TNFRSF8: variants seen among roughly 807,000 people sequenced by gnomAD.
The protein encoded by TNFRSF8 is tumor necrosis factor receptor superfamily member 8.
Under a neutral mutation model 70.8 loss-of-function variants are expected in TNFRSF8, and 26 were observed. That is an observed-to-expected ratio of 0.37 (90% CI 0.27 to 0.51). The LOEUF is 0.51. Ranked by LOEUF, TNFRSF8 falls within the 20% of genes least tolerant of loss-of-function variation. The probability of loss-of-function intolerance (pLI) is 0.94; values close to 1 mark genes in which losing one functional copy is unlikely to be tolerated. For synonymous variants in TNFRSF8, 356 were observed against 339.2 expected, an observed-to-expected ratio of 1.05 and a Z score of -0.54; for missense variants, 720 against 807.9, an observed-to-expected ratio of 0.89 and a Z score of 1.32.
At chr1:12,120,820 T>C (rs1019258636) in intron 8 of TNFRSF8, among the ~76,000 whole-genome samples, 1 of 152,110 alleles carries the variant, frequency 6.6e-6, no homozygotes, top group Non-Finnish European at 1.5e-5. Flanking sequence ...GATCACTGAC[T>C]CAGGGAGGAA....
At chr1:12,098,250 T>C (rs4845893) in intron 3 of TNFRSF8, among the ~76,000 whole-genome samples, 19,677 of 152,298 alleles carry the variant, frequency 0.13, 1,559 homozygotes, top group Admixed American at 0.23. Context: ...AATAATAATA[T>C]TGCCATTTCT....
At chr1:12,100,248 C>T (rs1641398328) in intron 3 of TNFRSF8, among the ~76,000 whole-genome samples, 1 of 152,042 alleles carries the variant, frequency 6.6e-6, no homozygotes, top group Non-Finnish European at 1.5e-5. Flanking sequence ...TTGCAGGACA[C>T]GAAGTTGTTC....
At chr1:12,118,135 A>G (rs1641766866) in intron 8 of TNFRSF8, among the ~76,000 whole-genome samples, 1 of 151,354 alleles carries the variant, frequency 6.6e-6, no homozygotes, top group African/African-American at 2.4e-5. Context: ...TTTTGAGACA[A>G]AGTCTCGCTC....
intron 1 of TNFRSF8, among the ~76,000 whole-genome samples, chr1:12,068,558 A>G (rs758133680): frequency 6.6e-6 from 1 of 152,136 alleles, no homozygotes; most frequent in Non-Finnish European, 1.5e-5. Context: ...TCCGGTATCT[A>G]TGGTTGAAAA....
intron 1 of TNFRSF8, among the ~76,000 whole-genome samples, chr1:12,084,218 C>T (rs1465372105): frequency 6.6e-6 from 1 of 152,036 alleles, no homozygotes; most frequent in Non-Finnish European, 1.5e-5. Flanking sequence ...ATGAAAAGGG[C>T]CAGGAGAATT....
chr1:12,130,074 T>C (rs1027414936), intron 12 of TNFRSF8, among the ~76,000 whole-genome samples: 8 of 152,054 alleles, frequency 5.3e-5, no homozygotes, highest in Non-Finnish European at 1.0e-4. Flanking sequence ...GCCTGGCTCA[T>C]TTTTTGTATT....
chr1:12,093,197 C>A (rs180942667), intron 2 of TNFRSF8, among the ~76,000 whole-genome samples: 1 of 152,300 alleles, frequency 6.6e-6, no homozygotes, highest in East Asian at 1.9e-4. Context: ...AGAGCCCCTA[C>A]CTCCAAATAA....
chr1:12,071,438 C>CA (rs1384925601), intron 1 of TNFRSF8, among the ~76,000 whole-genome samples: 10 of 151,378 alleles, frequency 6.6e-5, no homozygotes, highest in Non-Finnish European at 1.0e-4. Flanking sequence ...GATTCTGTCT[C>CA]AAAAAAAGAA....
intron 12 of TNFRSF8, 112 bp from the exon 13 acceptor site, chr1:12,135,476 G>A: frequency 6.8e-7 from 1 of 1,474,572 alleles, no homozygotes; most frequent in South Asian, 1.2e-5. Flanking sequence ...TGACCCCTGG[G>A]CTGAGTTCAG....
chr1:12,122,776 G>C (rs1296301686), intron 8 of TNFRSF8, among the ~76,000 whole-genome samples: 1 of 152,112 alleles, frequency 6.6e-6, no homozygotes, highest in Non-Finnish European at 1.5e-5. Context: ...AAGGTCTAGC[G>C]TCACTGTTTC....
intron 12 of TNFRSF8, among the ~76,000 whole-genome samples, chr1:12,132,998 C>T (rs1186466651): frequency 6.6e-6 from 1 of 152,102 alleles, no homozygotes; most frequent in African/African-American, 2.4e-5. Context: ...TAATATTGTG[C>T]TGAGTTTCAC....
Position 12,099,383 on chromosome 1 carries a change from G to A in TNFRSF8, c.268+2166G>A, listed in dbSNP as rs541133522. Among the ~76,000 whole-genome samples, 13 of 152,194 alleles carry A rather than the reference G, an allele frequency of 8.5e-5. No homozygotes were observed. In the South Asian group the frequency reaches 2.7e-3, roughly 32 times the overall value. On this transcript the variant is annotated intron_variant, in intron 3 of 14. Coordinates refer to ENST00000263932, the MANE Select transcript of TNFRSF8 (RefSeq NM_001243.5). ...TGGTCTCAAACTCCTGACCTCAAGT[G>A]ATCCAGCCGCCTTGGCCTCCTAAAG...
rs1295397513 is a variant in TNFRSF8, at chr1:12,138,001, G to A, written c.1336-228G>A. Among the ~76,000 whole-genome samples the A allele has an allele frequency of 3.3e-5, 5 of 152,148 alleles. No individual in the cohort carries two copies. Among genetic ancestry groups the A allele is most frequent in the African/African-American group, 1.2e-4 (5 of 41,414 alleles). On this transcript the variant is annotated intron_variant, in intron 13 of 14. Transcript: ENST00000263932. This position sits in a 1 kb window ranked among gnomAD's most constrained non-coding sequence, Gnocchi z 5.7. The stretch of plus-strand genomic sequence containing the variant: ...TTAGGACAGGGCCAACGGACGTGGC[G>A]AGCACCCTGTGAGTCGCTGACTGTT...
chr1:12,089,851 A>G (rs1486532961), intron 2 of TNFRSF8, among the ~76,000 whole-genome samples: 5 of 150,780 alleles, frequency 3.3e-5, no homozygotes, highest in Non-Finnish European at 2.9e-5. Flanking sequence ...CCATCCACCC[A>G]TCTACCCACT....
In TNFRSF8 at chr1:12,113,626, A is replaced by T. The variant is rs1402499909; in HGVS notation, c.793+1612A>T. Among the ~76,000 whole-genome samples, 5 of 151,606 alleles carry T rather than the reference A, an allele frequency of 3.3e-5. No homozygotes were observed. Among genetic ancestry groups the T allele is most frequent in the African/African-American group, 1.2e-4 (5 of 41,154 alleles). On this transcript the variant is annotated intron_variant, in intron 7 of 14. Transcript: ENST00000263932. The surrounding 1 kb of genome is among the most constrained non-coding windows in gnomAD (Gnocchi z 4.9). ...GAGTGAGAGAGAGACAGAAAGAGGG[A>T]GAGAGAGAGACAGAAAGAGAAAGAG...
intron 6 of TNFRSF8, 39 bp from the exon 7 acceptor site, chr1:12,111,859 A>C (rs1369536635): frequency 4.4e-6 from 7 of 1,589,250 alleles, no homozygotes; most frequent in Non-Finnish European, 4.3e-6. Context: ...GCCTTTGCCA[A>C]GGCGGCCTGG....
intron 1 of TNFRSF8, among the ~76,000 whole-genome samples, chr1:12,066,241 C>A (rs1640737456): frequency 6.6e-6 from 1 of 152,018 alleles, no homozygotes; most frequent in South Asian, 2.1e-4. Flanking sequence ...CACAGTACTC[C>A]TTTTTGCCCC....
At chr1:12,134,825 G>A (rs896040111) in intron 12 of TNFRSF8, among the ~76,000 whole-genome samples, 1 of 152,154 alleles carries the variant, frequency 6.6e-6, no homozygotes, top group Non-Finnish European at 1.5e-5. Context: ...GGTTTTGCCT[G>A]GTATTCCAGA....
intron 1 of TNFRSF8, among the ~76,000 whole-genome samples, chr1:12,082,767 C>CA (rs533395507): frequency 3.5e-4 from 53 of 151,528 alleles, no homozygotes; most frequent in Non-Finnish European, 7.1e-4. Flanking sequence ...TTAAACAGGA[C>CA]AAAAAAAGGC....
Sources: allele counts gnomAD v4.1 joint callset (sites outside exome capture counted in the v4.1 genomes callset), GRCh38; gene constraint gnomAD v4.1.1; non-coding constraint Gnocchi (gnomAD v3.1); transcripts MANE v1.5; gene names NCBI Gene and HGNC (gene_info 2026-07-23, HGNC 2026-07-21).